The following TMEM87A variants were observed in gnomAD, a reference collection of about 807,000 sequenced individuals.
The protein encoded by TMEM87A is Golgi-pH regulating cation channel.
A neutral mutation model predicts 90.0 loss-of-function variants in TMEM87A; 50 were observed. The observed-to-expected ratio is 0.56, with a 90% CI of 0.44 to 0.70. The LOEUF (loss-of-function observed/expected upper bound fraction) is 0.70, where lower values mean the gene tolerates loss of function less well. Ranked by LOEUF, TMEM87A falls within the 30% of genes least tolerant of loss-of-function variation. The pLI is 0.00. For missense variants in TMEM87A, 577 were observed against 660.5 expected (o/e 0.87, Z 1.39); for synonymous variants, 226 against 226.7 (o/e 1.00, Z 0.03).
At chr15:42,247,525 A>ATTTAATAAATTC (rs2140957749) in intron 6 of TMEM87A, among the ~76,000 whole-genome samples, 1 of 152,336 alleles carries the variant, frequency 6.6e-6, no homozygotes, top group South Asian at 2.1e-4. Context: ...TTTTCCCAGC[A>ATTTAATAAATTC]CCATTTATTA....
At chr15:42,247,532 A>G (rs1191952638) in intron 6 of TMEM87A, among the ~76,000 whole-genome samples, 1 of 152,204 alleles carries the variant, frequency 6.6e-6, no homozygotes, top group Admixed American at 6.5e-5. Flanking sequence ...AGCACCATTT[A>G]TTAAATAGGG....
At chr15:42,222,011 TC>T (rs1321149709) in intron 15 of TMEM87A, among the ~76,000 whole-genome samples, 1 of 152,178 alleles carries the variant, frequency 6.6e-6, no homozygotes, top group African/African-American at 2.4e-5. Context: ...CGGCCAGACC[TC>T]CCAAAGTGCT....
intron 4 of TMEM87A, among the ~76,000 whole-genome samples, chr15:42,262,967 G>A (rs1057166871): frequency 3.3e-5 from 5 of 152,034 alleles, no homozygotes; most frequent in Non-Finnish European, 7.4e-5. Flanking sequence ...GTGTAAGCAC[G>A]AAAAATGTAT....
intron 11 of TMEM87A, 149 bp downstream of exon 11, chr15:42,233,064 C>T (rs1045549366): frequency 2.2e-5 from 12 of 540,690 alleles, no homozygotes; most frequent in Middle Eastern, 9.0e-4. Flanking sequence ...TAAAAGAGAA[C>T]ATGAACTATA....
At chr15:42,261,720 G>A (rs957103391) in intron 4 of TMEM87A, among the ~76,000 whole-genome samples, 1 of 148,810 alleles carries the variant, frequency 6.7e-6, no homozygotes, top group African/African-American at 2.5e-5. Context: ...TGCAAGCTCC[G>A]CCTCCCAGGT....
chr15:42,273,221 T>C lies in TMEM87A; in HGVS notation c.144+34A>G, dbSNP rs372089086. 304 of 1,612,786 alleles carry C rather than the reference T, an allele frequency of 1.9e-4. 3 individuals are homozygous for C. The South Asian group carries it at 2.2e-3, about 12-fold the overall frequency. On this transcript the variant is annotated intron_variant, in intron 1 of 19. Transcript: ENST00000389834. Reference sequence around the variant, plus strand: ...CCGCCGTAGCCCCACCCCTTGCTCCTCTAGGTTCAGACGTTAGTGAAGTGA... The same window carrying C: ...CCGCCGTAGCCCCACCCCTTGCTCCCCTAGGTTCAGACGTTAGTGAAGTGA...
intron 6 of TMEM87A, 58 bp downstream of exon 6, chr15:42,260,900 A>G (rs972682813): frequency 1.3e-5 from 20 of 1,550,324 alleles, no homozygotes; most frequent in Non-Finnish European, 1.7e-5. Flanking sequence ...TCAGAAATAC[A>G]CAAATTTAAG....
intron 6 of TMEM87A, among the ~76,000 whole-genome samples, chr15:42,254,532 T>G (rs1050479835): frequency 2.0e-5 from 3 of 152,038 alleles, no homozygotes; most frequent in African/African-American, 7.2e-5. Context: ...TAAAAAGAAA[T>G]GAACTATCAA....
intron 3 of TMEM87A, among the ~76,000 whole-genome samples, chr15:42,264,667 CTA>C (rs1456067596): frequency 8.1e-6 from 1 of 123,618 alleles, no homozygotes; most frequent in Non-Finnish European, 1.6e-5. Context: ...CAACTCAGAA[CTA>C]TATATATGTG....
intron 7 of TMEM87A, among the ~76,000 whole-genome samples, chr15:42,241,845 T>C (rs1334866306): frequency 6.6e-6 from 1 of 151,724 alleles, no homozygotes; most frequent in East Asian, 1.9e-4. Context: ...AAAAATCTAG[T>C]AGATTTAATA....
chr15:42,228,595 AC>A, intron 13 of TMEM87A, 116 bp downstream of exon 13: 2 of 784,212 alleles, frequency 2.6e-6, no homozygotes, highest in Non-Finnish European at 4.3e-6. Context: ...AGAGCTAAGA[AC>A]CCTTTTCCAA....
chr15:42,257,964 C>A (rs867698319), intron 6 of TMEM87A: 281 of 981,392 alleles, frequency 2.9e-4, no homozygotes, highest in Non-Finnish European at 3.2e-4. Context: ...AGGATTTTTA[C>A]TTTTAAGTTA....
intron 14 of TMEM87A, chr15:42,227,121 T>C: frequency 3.7e-6 from 2 of 536,984 alleles, no homozygotes; most frequent in Non-Finnish European, 6.6e-6. Flanking sequence ...TTAAAGAAAA[T>C]GCATCAACGG....
At chr15:42,252,744 A>G (rs562541657) in intron 6 of TMEM87A, among the ~76,000 whole-genome samples, 1 of 152,158 alleles carries the variant, frequency 6.6e-6, no homozygotes, top group East Asian at 1.9e-4. Context: ...GAGTATATTT[A>G]AGACAGTTCA....
At chr15:42,232,194 C>T (rs1379178178) in intron 11 of TMEM87A, among the ~76,000 whole-genome samples, 1 of 152,086 alleles carries the variant, frequency 6.6e-6, no homozygotes, top group Non-Finnish European at 1.5e-5. Flanking sequence ...GAACCTTATA[C>T]TTCTTCGTAT....
chr15:42,249,063 T>G (rs113712871), intron 6 of TMEM87A, among the ~76,000 whole-genome samples: 2 of 152,236 alleles, frequency 1.3e-5, no homozygotes, highest in Non-Finnish European at 2.9e-5. Context: ...TTTTCTAGTT[T>G]ATTTGTGTGG....
At chr15:42,229,065 C>A (rs748163395) in intron 12 of TMEM87A, among the ~76,000 whole-genome samples, 1 of 151,964 alleles carries the variant, frequency 6.6e-6, no homozygotes, top group Non-Finnish European at 1.5e-5. Flanking sequence ...TGCAGTGGCA[C>A]AATCACGGCT....
At chr15:42,269,290 A>T (rs1342918429) in intron 2 of TMEM87A, among the ~76,000 whole-genome samples, 2 of 152,242 alleles carry the variant, frequency 1.3e-5, no homozygotes, top group African/African-American at 4.8e-5. Context: ...AATAAACATG[A>T]CTGCATTTAG....
chr15:42,241,950 C>A, intron 7 of TMEM87A, among the ~76,000 whole-genome samples: 1 of 150,758 alleles, frequency 6.6e-6, no homozygotes, highest in African/African-American at 2.4e-5. Flanking sequence ...GCCAGCAATC[C>A]CAGCTACTTG....
Sources: gnomAD v4.1 joint callset for allele counts (sites outside exome capture counted in the v4.1 genomes callset) on GRCh38, gnomAD v4.1.1 for gene constraint, MANE v1.5 for transcripts, NCBI Gene and HGNC (gene_info 2026-07-23, HGNC 2026-07-21) for gene names.